Variants in SGCD observed in about 807,000 individuals in gnomAD.
The protein encoded by SGCD is delta-sarcoglycan.
SGCD carries 18 observed loss-of-function variants against 36.6 expected under a neutral mutation model. The observed-to-expected ratio is 0.49, with a 90% CI of 0.34 to 0.73. The LOEUF (loss-of-function observed/expected upper bound fraction) is 0.73, where lower values mean the gene tolerates loss of function less well. Ranked by LOEUF, SGCD falls within the 30% of genes least tolerant of loss-of-function variation. SGCD has a pLI of 0.01. For missense variants in SGCD, 387 were observed against 346.7 expected (o/e 1.12, Z -0.92); for synonymous variants, 133 against 130.6 (o/e 1.02, Z -0.12).
At chr5:156,121,442 C>A (rs1040180819) in intron 2 of SGCD, among the ~76,000 whole-genome samples, 2 of 152,076 alleles carry the variant, frequency 1.3e-5, no homozygotes, top group Non-Finnish European at 2.9e-5. Context: ...GAACCGGAAC[C>A]TGAACCGCAG....
At chr5:156,478,851 G>A (rs1355364196) in intron 3 of SGCD, among the ~76,000 whole-genome samples, 1 of 152,108 alleles carries the variant, frequency 6.6e-6, no homozygotes, top group African/African-American at 2.4e-5. Context: ...AAAGTGCTGG[G>A]ATTATAGGGC....
At chr5:156,332,975 T>C (rs1768142950) in intron 2 of SGCD, among the ~76,000 whole-genome samples, 1 of 152,252 alleles carries the variant, frequency 6.6e-6, no homozygotes, top group Non-Finnish European at 1.5e-5. Flanking sequence ...TACATACATA[T>C]ATACATATCT....
At chr5:156,284,423 A>G (rs1030469063) in intron 3 of SGCD, among the ~76,000 whole-genome samples, 19 of 152,226 alleles carry the variant, frequency 1.2e-4, no homozygotes, top group East Asian at 5.8e-4. Flanking sequence ...AAAATCCTCA[A>G]TAGAATACTG....
chr5:156,073,726 A>T (rs182415899), intron 1 of SGCD, among the ~76,000 whole-genome samples: 1 of 152,354 alleles, frequency 6.6e-6, no homozygotes, highest in Admixed American at 6.5e-5. Flanking sequence ...AGATCATATC[A>T]TCTAAATCAG....
chr5:156,151,107 C>T (rs1762823544), intron 3 of SGCD, among the ~76,000 whole-genome samples: 1 of 151,584 alleles, frequency 6.6e-6, no homozygotes, highest in Non-Finnish European at 1.5e-5. Context: ...TCAGGGGGAG[C>T]CAATGGAGAT....
intron 4 of SGCD, among the ~76,000 whole-genome samples, chr5:156,513,416 G>T (rs1457043659): frequency 6.6e-6 from 1 of 152,142 alleles, no homozygotes; most frequent in Non-Finnish European, 1.5e-5. Flanking sequence ...GTATCTGACT[G>T]TTGTCTGTAG....
intron 3 of SGCD, among the ~76,000 whole-genome samples, chr5:156,451,918 T>C (rs920747306): frequency 6.6e-6 from 1 of 152,182 alleles, no homozygotes; most frequent in Non-Finnish European, 1.5e-5. Flanking sequence ...CTCAAGACTC[T>C]ATATAACTTA....
intron 1 of SGCD, among the ~76,000 whole-genome samples, chr5:155,947,828 G>GGA (rs1037003828): frequency 5.1e-4 from 78 of 152,076 alleles, no homozygotes; most frequent in African/African-American, 1.9e-3. Context: ...AAGAGATACT[G>GGA]GAGAGAGAGA....
intron 3 of SGCD, among the ~76,000 whole-genome samples, chr5:156,460,297 C>A (rs1754430318): frequency 6.6e-6 from 1 of 152,046 alleles, no homozygotes; most frequent in South Asian, 2.1e-4. Context: ...GTCTTTGAGT[C>A]TGAAATAAAT....
chr5:155,812,193 A>G, the SGCD span, among the ~76,000 whole-genome samples: 1 of 152,232 alleles, frequency 6.6e-6, no homozygotes, highest in Non-Finnish European at 1.5e-5. Flanking sequence ...GAGGGTGTTT[A>G]TAGCCCTATG....
chr5:155,861,767 ATCTGTG>A, the SGCD span, among the ~76,000 whole-genome samples: 1 of 152,184 alleles, frequency 6.6e-6, no homozygotes, highest in Non-Finnish European at 1.5e-5. Context: ...CATCCTCTCT[ATCTGTG>A]TCTTGGCCTT....
At chr5:156,114,876 C>G (rs957119511) in intron 1 of SGCD, among the ~76,000 whole-genome samples, 5 of 152,058 alleles carry the variant, frequency 3.3e-5, no homozygotes, top group African/African-American at 1.2e-4. Context: ...ACACACTTAT[C>G]TTTTAGATGC....
chr5:155,729,022 C>T, the SGCD span, among the ~76,000 whole-genome samples: 2 of 152,238 alleles, frequency 1.3e-5, no homozygotes, highest in Non-Finnish European at 2.9e-5. Context: ...GCCCCCTTTA[C>T]CCCCAGCTAG....
intron 7 of SGCD, among the ~76,000 whole-genome samples, chr5:156,748,104 G>A (rs1362001199): frequency 6.6e-6 from 1 of 152,122 alleles, no homozygotes; most frequent in Admixed American, 6.5e-5. Context: ...AGAATCTCTA[G>A]TTTCAAAAAT....
the SGCD span, among the ~76,000 whole-genome samples, chr5:155,738,676 G>A: frequency 6.8e-6 from 1 of 147,454 alleles, no homozygotes. Flanking sequence ...GTGTGTAGGA[G>A]AGTGTGTGTG....
At chr5:156,515,222 G>GA (rs141294232) in intron 4 of SGCD, among the ~76,000 whole-genome samples, 42,068 of 151,430 alleles carry the variant, frequency 0.28, 5,962 homozygotes, top group Non-Finnish European at 0.31. Context: ...CAGTCTTTCT[G>GA]AAAAAAAATA....
chr5:156,163,178 C>T, intron 3 of SGCD, among the ~76,000 whole-genome samples: 1 of 151,620 alleles, frequency 6.6e-6, no homozygotes, highest in East Asian at 1.9e-4. Flanking sequence ...TGCTGGATTC[C>T]ACTTTCCCAA....
chr5:156,120,107 C>T (rs552928587), intron 2 of SGCD, among the ~76,000 whole-genome samples: 18 of 152,214 alleles, frequency 1.2e-4, no homozygotes, highest in Admixed American at 3.3e-4. Context: ...CCAAGGATTT[C>T]GAAAAAGCTA....
intron 3 of SGCD, among the ~76,000 whole-genome samples, chr5:156,269,505 A>AAAAAAAAC (rs1189540837): frequency 4.6e-5 from 4 of 86,174 alleles, no homozygotes; most frequent in Non-Finnish European, 7.3e-5. Flanking sequence ...AAAAAAAAAA[A>AAAAAAAAC]AAAAACCATC....
Sources: allele counts gnomAD v4.1 joint callset (sites outside exome capture counted in the v4.1 genomes callset), GRCh38; gene constraint gnomAD v4.1.1; transcripts MANE v1.5; gene names NCBI Gene and HGNC (gene_info 2026-07-23, HGNC 2026-07-21).